The following KIF24 variants were observed in gnomAD, a reference collection of about 807,000 sequenced individuals.
KIF24 encodes kinesin family member 24.
KIF24 carries 81 observed loss-of-function variants against 118.9 expected under a neutral mutation model. The observed-to-expected ratio is 0.68, with a 90% CI of 0.57 to 0.82. The LOEUF is 0.82. KIF24 is among the 40% of genes least tolerant of loss of function. The pLI, the probability that KIF24 is intolerant of heterozygous loss-of-function variation, is 0.00. For missense variants in KIF24, 1,560 were observed against 1,661.6 expected (o/e 0.94, Z 1.06); for synonymous variants, 599 against 610.0 (o/e 0.98, Z 0.27).
rs140382139 is a variant in KIF24 at position 34,277,312 on chromosome 9, G to A, written c.1216-5382C>T. Among the ~76,000 whole-genome samples the A allele has an allele frequency of 2.6e-5, 4 of 152,044 alleles. No individual in the cohort carries two copies. The East Asian group carries it at 5.8e-4, about 22-fold the overall frequency. ...ATGTCTGACTAATAAGGAACACAGA[G>A]AAGCTAAGTGACTTATACAAGGTCA... On this transcript the variant is annotated intron_variant, in intron 6 of 12. Coordinates refer to ENST00000402558, the MANE Select transcript of KIF24 (RefSeq NM_194313.4).
chr9:34,256,673 T>C lies in KIF24; in HGVS notation c.2934A>G (p.Pro978=). 6.2e-7 allele frequency: 1 copy of C among 1,614,006 alleles called. No homozygotes were observed. Among genetic ancestry groups the C allele is most frequent in the South Asian group, 1.1e-5 (1 of 91,088 alleles). The change falls in exon 11 of 13, where the codon CCA becomes CCG. Residue 978 remains proline, a synonymous_variant. Coordinates refer to ENST00000402558, the MANE Select transcript of KIF24 (RefSeq NM_194313.4). Reference sequence around the variant, plus strand: ...TAGTGAAACCATCTTCCTCTGGGGATGGCAAGTTGCCCTCATTCTCCCCAG... The same window carrying C: ...TAGTGAAACCATCTTCCTCTGGGGACGGCAAGTTGCCCTCATTCTCCCCAG... ...EVSGENEGNL[P]SPEEDGFTIS...
At chr9:34,332,436 T>C (rs1837968567), upstream of KIF24, among the ~76,000 whole-genome samples, 3 of 152,176 alleles carry the variant, frequency 2.0e-5, no homozygotes, top group African/African-American at 7.2e-5. Flanking sequence ...TGTAAATCTC[T>C]AGGAAGTTGG....
At chr9:34,330,405 A>AAAAAC (rs887915111), upstream of KIF24, among the ~76,000 whole-genome samples, 23 of 152,346 alleles carry the variant, frequency 1.5e-4, no homozygotes, top group African/African-American at 4.3e-4. Context: ...ACTCCGTCTC[A>AAAAAC]AAAACAAAAC....
At chr9:34,281,820 T>C (rs912033812) in intron 6 of KIF24, among the ~76,000 whole-genome samples, 2 of 152,196 alleles carry the variant, frequency 1.3e-5, no homozygotes, top group Non-Finnish European at 2.9e-5. Context: ...GTGCCTGGCC[T>C]ATCCTTCTAG....
chr9:34,270,226 A>G (rs1186512101), intron 7 of KIF24, among the ~76,000 whole-genome samples: 2 of 137,914 alleles, frequency 1.5e-5, no homozygotes, highest in East Asian at 4.4e-4. Flanking sequence ...TCAAGAAAAA[A>G]AAAAAATTGG....
chr9:34,272,393 G>T (rs1364456664), intron 6 of KIF24, among the ~76,000 whole-genome samples: 1 of 152,210 alleles, frequency 6.6e-6, no homozygotes, highest in East Asian at 1.9e-4. Context: ...AAATATGGAA[G>T]TGATGAGTTA....
At chr9:34,328,178 G>A (rs1837739139) in intron 1 of KIF24, among the ~76,000 whole-genome samples, 1 of 152,156 alleles carries the variant, frequency 6.6e-6, no homozygotes. Context: ...ATGAATAGAT[G>A]GAGTTCACCT....
intron 1 of KIF24, among the ~76,000 whole-genome samples, chr9:34,324,620 G>C (rs1263370308): frequency 6.6e-6 from 1 of 152,168 alleles, no homozygotes; most frequent in African/African-American, 2.4e-5. Flanking sequence ...TTTGAAAGCA[G>C]TTATAACAAT....
intron 1 of KIF24, among the ~76,000 whole-genome samples, chr9:34,311,767 C>CATATATATACACAT (rs1837175754): frequency 2.1e-5 from 3 of 145,482 alleles, no homozygotes; most frequent in Admixed American, 1.4e-4. Context: ...TGTATATATA[C>CATATATATACACAT]ATATATATAC....
intron 6 of KIF24, 127 bp from the exon 7 acceptor site, chr9:34,272,057 C>T: frequency 2.7e-6 from 2 of 752,688 alleles, no homozygotes; most frequent in Non-Finnish European, 4.1e-6. Context: ...TTTTTCTGTC[C>T]AGGTGGAAAA....
intron 4 of KIF24, among the ~76,000 whole-genome samples, chr9:34,290,882 G>A (rs1208732143): frequency 6.6e-6 from 1 of 152,058 alleles, no homozygotes; most frequent in Non-Finnish European, 1.5e-5. Flanking sequence ...TTACAGACAT[G>A]AGCCACCACA....
chr9:34,311,446 A>G (rs1391834808), intron 1 of KIF24, 75 bp from the exon 2 acceptor site: 1 of 647,160 alleles, frequency 1.5e-6, no homozygotes, highest in Non-Finnish European at 2.3e-6. Flanking sequence ...AAAATTGAAA[A>G]CCACAAAACC....
chr9:34,296,946 T>C (rs540467066), intron 4 of KIF24, 71 bp downstream of exon 4: 9 of 726,056 alleles, frequency 1.2e-5, no homozygotes, highest in African/African-American at 1.1e-4. Context: ...GCATGTGATA[T>C]TTATAAAGAA....
chr9:34,290,608 T>G (rs1453322668), intron 4 of KIF24, among the ~76,000 whole-genome samples: 5 of 151,756 alleles, frequency 3.3e-5, no homozygotes, highest in Non-Finnish European at 5.9e-5. Flanking sequence ...TTTTTTTTTT[T>G]TTTTGTTTTT....
In KIF24 at chr9:34,318,306, G is replaced by T. The variant is rs1381870788; in HGVS notation, c.-25-6935C>A. 5.3e-6 allele frequency: 3 copies of T among 567,986 alleles called. No individual in the cohort carries two copies. The highest frequency in any genetic ancestry group is 6.3e-6 in the Non-Finnish European group (2 of 319,938). The allele number at this position is 567,986 out of a possible 1,614,324, so 35.2% of individuals were successfully genotyped here. ...GAATCGTGTCGCGGCTCGAGAGCGAGACTCCCGTCTTGGAGCCAGCCCAGC... is the reference window on the plus strand; with the variant it reads ...GAATCGTGTCGCGGCTCGAGAGCGATACTCCCGTCTTGGAGCCAGCCCAGC... On this transcript the variant is annotated intron_variant, in intron 1 of 12. Transcript: ENST00000402558. This position sits in a 1 kb window ranked among gnomAD's most constrained non-coding sequence, Gnocchi z 4.9.
chr9:34,290,066 A>G, intron 5 of KIF24, 108 bp downstream of exon 5: 1 of 684,946 alleles, frequency 1.5e-6, no homozygotes, highest in Non-Finnish European at 2.5e-6. Flanking sequence ...ACAAAAGGGC[A>G]CTAATGTACC....
intron 1 of KIF24, among the ~76,000 whole-genome samples, chr9:34,328,129 G>C (rs989824420): frequency 2.0e-5 from 3 of 152,146 alleles, no homozygotes; most frequent in African/African-American, 7.2e-5. Context: ...AGTTAACAAC[G>C]AAACAGTCTT....
At chr9:34,280,514 GGT>G in intron 6 of KIF24, among the ~76,000 whole-genome samples, 1 of 152,086 alleles carries the variant, frequency 6.6e-6, no homozygotes, top group Non-Finnish European at 1.5e-5. Context: ...AGTGGCTGGA[GGT>G]AGGGGCAAGA....
intron 4 of KIF24, among the ~76,000 whole-genome samples, chr9:34,295,617 G>A (rs565226127): frequency 3.2e-4 from 48 of 152,268 alleles, no homozygotes; most frequent in African/African-American, 1.1e-3. Flanking sequence ...GGCAGAAGTT[G>A]CAGTGAGCCA....
Sources: gnomAD v4.1 joint callset for allele counts (sites outside exome capture counted in the v4.1 genomes callset) on GRCh38, gnomAD v4.1.1 for gene constraint, Gnocchi (gnomAD v3.1) non-coding constraint, MANE v1.5 for transcripts, NCBI Gene and HGNC (gene_info 2026-07-23, HGNC 2026-07-21) for gene names.